IRAG1: variants seen among roughly 807,000 people sequenced by gnomAD.
IRAG1 encodes the protein IP3R-associated cGMP kinase substrate.
Under a neutral mutation model 106.2 loss-of-function variants are expected in IRAG1, and 62 were observed. The ratio of observed to expected loss-of-function variants is 0.58; its 90% CI spans 0.48 to 0.72. The LOEUF is 0.72. Ranked by LOEUF, IRAG1 falls within the 30% of genes least tolerant of loss-of-function variation. The pLI, the probability that IRAG1 is intolerant of heterozygous loss-of-function variation, is 0.00. For missense variants in IRAG1, 1,064 were observed against 1,140.7 expected, an observed-to-expected ratio of 0.93 and a Z score of 0.97; for synonymous variants, 462 against 443.9, an observed-to-expected ratio of 1.04 and a Z score of -0.51.
In IRAG1 at chr11:10,600,769, G is replaced by T. The variant is rs1853906946; in HGVS notation, c.2017+149C>A. 6.7e-6 allele frequency: 7 copies of T among 1,041,214 alleles called. 1 individual carries two copies. The highest frequency in any genetic ancestry group is 5.9e-4 in the Middle Eastern group (2 of 3,386). 64.5% of individuals were successfully genotyped at this position (1,041,214 alleles called of 1,614,324 possible). ...CCCTGCCAGGCCCACTGAAGCAGCTGCTGGGAGGCCCCTGTGGGCAGCACT... is the reference window on the plus strand; with the variant it reads ...CCCTGCCAGGCCCACTGAAGCAGCTTCTGGGAGGCCCCTGTGGGCAGCACT... On this transcript the variant is annotated intron_variant, in intron 15 of 20. Coordinates refer to ENST00000423302, the MANE Select transcript of IRAG1 (RefSeq NM_130385.4).
Position 10,575,966 on chromosome 11 carries a change from A to G in IRAG1, c.*366T>C, listed in dbSNP as rs1850791196. 4.3e-6 allele frequency: 1 copy of G among 230,908 alleles called. No individual in the cohort carries two copies. 14.3% of individuals were successfully genotyped at this position (230,908 alleles called of 1,614,324 possible). ...GAGGAAAAAAGAGAGTAAGTTTTTTACTGCCCCCTACCTCCTCCTCCCCCG... is the reference window on the plus strand; with the variant it reads ...GAGGAAAAAAGAGAGTAAGTTTTTTGCTGCCCCCTACCTCCTCCTCCCCCG... On this transcript the variant is annotated 3_prime_UTR_variant, in exon 21 of 21. Coordinates refer to ENST00000423302, the MANE Select transcript of IRAG1 (RefSeq NM_130385.4).
intron 2 of IRAG1, among the ~76,000 whole-genome samples, chr11:10,649,693 G>A (rs1275147301): frequency 1.3e-5 from 2 of 152,140 alleles, no homozygotes; most frequent in African/African-American, 2.4e-5. Flanking sequence ...TATAGGTACA[G>A]TGCCATTAGG....
chr11:10,652,516 C>A, intron 1 of IRAG1: 1 of 392,480 alleles, frequency 2.5e-6, no homozygotes, highest in Non-Finnish European at 4.4e-6. Context: ...TTGTTTACCA[C>A]TTACTGAGCA....
At chr11:10,595,180 C>T (rs972440858) in intron 15 of IRAG1, among the ~76,000 whole-genome samples, 2 of 151,474 alleles carry the variant, frequency 1.3e-5, no homozygotes, top group East Asian at 1.9e-4. Context: ...CCGCCTCGGC[C>T]GCCCAAGGTG....
intron 1 of IRAG1, among the ~76,000 whole-genome samples, chr11:10,691,858 G>A (rs527706891): frequency 6.6e-6 from 1 of 152,226 alleles, no homozygotes; most frequent in East Asian, 1.9e-4. Context: ...AGAGACCATG[G>A]CCTGGGGCTG....
At chr11:10,661,418 AT>A (rs1209993320) in intron 1 of IRAG1, among the ~76,000 whole-genome samples, 1 of 152,132 alleles carries the variant, frequency 6.6e-6, no homozygotes, top group Non-Finnish European at 1.5e-5. Flanking sequence ...ATTTCCACAT[AT>A]TTGGTGGCTT....
intron 17 of IRAG1, among the ~76,000 whole-genome samples, chr11:10,592,397 A>G (rs1192120716): frequency 1.3e-5 from 2 of 152,238 alleles, no homozygotes; most frequent in African/African-American, 2.4e-5. Flanking sequence ...CCTCTCCAAC[A>G]TTCTTAAACA....
rs570250202 is a variant in IRAG1 at position 10,687,732 on chromosome 11, T to C, written c.67+5804A>G. On this transcript the variant is annotated intron_variant, in intron 1 of 20. Transcript: ENST00000423302. The stretch of plus-strand genomic sequence containing the variant: ...TGAGAATAGGACCCAGGACTGTGGA[T>C]GGTCAGAGCCTCAAACCCAGTGCAG... The C allele has an allele frequency of 5.4e-6, 7 of 1,289,064 alleles. No homozygotes were observed. In the African/African-American group the frequency reaches 6.1e-5, roughly 11 times the overall value. 79.9% of individuals were successfully genotyped at this position (1,289,064 alleles called of 1,614,324 possible).
At chr11:10,599,126 C>T (rs911608879) in intron 15 of IRAG1, among the ~76,000 whole-genome samples, 1 of 152,208 alleles carries the variant, frequency 6.6e-6, no homozygotes, top group Non-Finnish European at 1.5e-5. Context: ...GTTTTCTCAT[C>T]CTCCTAGAGT....
In IRAG1 at chr11:10,647,401, CTGGCACAGGGT is replaced by C. The variant is rs1383504363; in HGVS notation, c.225+4613_225+4623del. Among the ~76,000 whole-genome samples, 1 of 152,216 alleles carries C rather than the reference CTGGCACAGGGT, an allele frequency of 6.6e-6. No homozygotes were observed. The highest frequency in any genetic ancestry group is 2.4e-5 in the African/African-American group (1 of 41,448). On this transcript the variant is annotated intron_variant, in intron 2 of 20. Transcript: ENST00000423302. This position sits in a 1 kb window ranked among gnomAD's most constrained non-coding sequence, Gnocchi z 4.3. ...ATGAGTTAATATGGTAGACGAGTAT[CTGGCACAGGGT>C]TAGCTATTATTATTAAGTGGCTTTG...
chr11:10,643,571 G>A (rs928639169), intron 2 of IRAG1, among the ~76,000 whole-genome samples: 19 of 152,288 alleles, frequency 1.2e-4, no homozygotes, highest in East Asian at 3.9e-4. Flanking sequence ...TCAGCTAGTC[G>A]TTCATCCGTC....
chr11:10,592,904 A>G (rs979093992), intron 17 of IRAG1, among the ~76,000 whole-genome samples: 1 of 152,248 alleles, frequency 6.6e-6, no homozygotes, highest in Non-Finnish European at 1.5e-5. Context: ...TATACTGTTT[A>G]TACACTAGGT....
Position 10,693,597 on chromosome 11 carries a change from T to C in IRAG1, c.6A>G (p.Val2=). The change falls in exon 1 of 21, where the codon GTA becomes GTG. Residue 2 remains valine, a synonymous_variant. Coordinates refer to ENST00000423302, the MANE Select transcript of IRAG1 (RefSeq NM_130385.4). ...GCCTCTCTTCACTCTGGGGAGCTTT[T>C]ACCATTTAAGGTCAATGTTACATCT... is the stretch of plus-strand genomic sequence containing the variant. M[V]KAPQSEERLA... 6.5e-7 allele frequency: 1 copy of C among 1,535,180 alleles called. No individual in the cohort carries two copies. Among genetic ancestry groups the C allele is most frequent in the Non-Finnish European group, 8.7e-7 (1 of 1,146,896 alleles).
At chr11:10,621,956 G>A (rs1211416536) in intron 10 of IRAG1, among the ~76,000 whole-genome samples, 2 of 151,990 alleles carry the variant, frequency 1.3e-5, no homozygotes, top group Non-Finnish European at 2.9e-5. Context: ...GGGAGGGAGG[G>A]AATAAAGAGT....
intron 1 of IRAG1, among the ~76,000 whole-genome samples, chr11:10,677,590 G>A (rs1860789119): frequency 1.8e-5 from 2 of 108,984 alleles, no homozygotes; most frequent in Non-Finnish European, 4.1e-5. Flanking sequence ...CTCTTCACCA[G>A]TAAACTTCTT....
In IRAG1 at chr11:10,623,969, G is replaced by A. The variant is rs1272330293; in HGVS notation, c.1369-113C>T. ...CTATCTTAGGTGGGAAAGCGGGGCA[G>A]CCTGAGAGGTGGGTGGGCAGGCATG... On this transcript the variant is annotated intron_variant, in intron 9 of 20. Coordinates refer to ENST00000423302, the MANE Select transcript of IRAG1 (RefSeq NM_130385.4). The A allele has an allele frequency of 1.1e-5, 10 of 942,050 alleles. No homozygotes were observed. The East Asian group carries it at 2.0e-4, about 19-fold the overall frequency. 58.4% of individuals were successfully genotyped at this position (942,050 alleles called of 1,614,324 possible). A position where few individuals can be genotyped will look rare whatever the true frequency, so the allele number is the denominator to read the frequency against.
At chr11:10,600,801 G>C in intron 15 of IRAG1, 117 bp downstream of exon 15, 1 of 1,338,772 alleles carries the variant, frequency 7.5e-7, no homozygotes, top group Non-Finnish European at 1.0e-6. Flanking sequence ...CACTAGACAG[G>C]AGTGCTGCTC....
At chr11:10,601,912 G>GT (rs2134323943) in intron 14 of IRAG1, among the ~76,000 whole-genome samples, 1 of 152,320 alleles carries the variant, frequency 6.6e-6, no homozygotes, top group Admixed American at 6.5e-5. Context: ...AGCAGATGGC[G>GT]TGAGTGACAG....
intron 1 of IRAG1, among the ~76,000 whole-genome samples, chr11:10,661,114 C>G (rs1056438343): frequency 1.3e-5 from 2 of 152,164 alleles, no homozygotes; most frequent in Non-Finnish European, 2.9e-5. Flanking sequence ...CTGAGTCAAG[C>G]TCCTAGCCCC....
Sources: gnomAD v4.1 joint callset for allele counts (sites outside exome capture counted in the v4.1 genomes callset) on GRCh38, gnomAD v4.1.1 for gene constraint, Gnocchi (gnomAD v3.1) non-coding constraint, MANE v1.5 for transcripts, NCBI Gene and HGNC (gene_info 2026-07-23, HGNC 2026-07-21) for gene names.